CFAP61: variants seen among roughly 807,000 people sequenced by gnomAD.
CFAP61 encodes cilia- and flagella-associated protein 61.
In CFAP61, 107 loss-of-function variants were observed where a neutral mutation model predicts 135.6. The observed-to-expected ratio is 0.79, with a 90% confidence interval of 0.67 to 0.93. The LOEUF (loss-of-function observed/expected upper bound fraction) is 0.93, where lower values mean the gene tolerates loss of function less well. Ranked by LOEUF, CFAP61 falls within the 40% of genes least tolerant of loss-of-function variation. The pLI, the probability that CFAP61 is intolerant of heterozygous loss-of-function variation, is 0.00. For synonymous variants in CFAP61, 575 were observed against 578.5 expected (o/e 0.99, Z 0.09); for missense variants, 1,507 against 1,556.2 (o/e 0.97, Z 0.53).
At chr20:20,109,597 C>G (rs1019503370) in intron 8 of CFAP61, among the ~76,000 whole-genome samples, 1 of 152,180 alleles carries the variant, frequency 6.6e-6, no homozygotes, top group South Asian at 2.1e-4. Context: ...CCCCCTCTAA[C>G]TAGGGTGCTC....
rs188663927 is a variant in CFAP61, at chr20:20,317,717, T to C, written c.3422+19331T>C. Among the ~76,000 whole-genome samples the C allele has an allele frequency of 3.3e-3, 508 of 152,222 alleles. 7 individuals are homozygous for C. Among genetic ancestry groups the C allele is most frequent in the African/African-American group, 0.012 (486 of 41,530 alleles). ...TGGGGCACTGTCTGCCAGGCCAGGA[T>C]ACGTGCTGAAGGCTCTGAGGGCAGA... On this transcript the variant is annotated intron_variant, in intron 25 of 26. Coordinates refer to ENST00000245957, the MANE Select transcript of CFAP61 (RefSeq NM_015585.4).
chr20:20,089,641 C>T (rs2047044790), intron 6 of CFAP61, among the ~76,000 whole-genome samples: 1 of 148,608 alleles, frequency 6.7e-6, no homozygotes, highest in Non-Finnish European at 1.5e-5. Context: ...AAAAAGAGCA[C>T]TAAACTTACC....
intron 21 of CFAP61, among the ~76,000 whole-genome samples, chr20:20,267,057 G>A (rs1165688395): frequency 6.6e-6 from 1 of 152,206 alleles, no homozygotes; most frequent in Non-Finnish European, 1.5e-5. Context: ...TCTATTTAAA[G>A]ACAGGGATCC....
intron 22 of CFAP61, among the ~76,000 whole-genome samples, chr20:20,277,977 C>T (rs2053901335): frequency 6.6e-6 from 1 of 152,164 alleles, no homozygotes; most frequent in Non-Finnish European, 1.5e-5. Context: ...GACCTGGCCT[C>T]TGAAATCAAG....
At chr20:20,292,659 G>A (rs1219078477) in intron 24 of CFAP61, among the ~76,000 whole-genome samples, 2 of 152,188 alleles carry the variant, frequency 1.3e-5, no homozygotes, top group African/African-American at 4.8e-5. Flanking sequence ...GCTGGGCTGG[G>A]ATGACTCAAG....
At chr20:20,305,785 T>A (rs2056435022) in intron 25 of CFAP61, among the ~76,000 whole-genome samples, 1 of 152,232 alleles carries the variant, frequency 6.6e-6, no homozygotes, top group Non-Finnish European at 1.5e-5. Context: ...AGGCTATTTA[T>A]CTGCCCTCAT....
intron 21 of CFAP61, among the ~76,000 whole-genome samples, chr20:20,276,398 C>G (rs767828319): frequency 6.6e-5 from 10 of 152,178 alleles, no homozygotes; most frequent in Non-Finnish European, 1.5e-4. Flanking sequence ...GCATATACTA[C>G]ATTTCATTAA....
intron 6 of CFAP61, among the ~76,000 whole-genome samples, chr20:20,087,595 A>G (rs547782975): frequency 6.6e-6 from 1 of 152,316 alleles, no homozygotes; most frequent in South Asian, 2.1e-4. Context: ...AAGTGAGTGC[A>G]GTGATTCAAG....
intron 25 of CFAP61, among the ~76,000 whole-genome samples, chr20:20,308,271 G>C (rs371460300): frequency 3.9e-4 from 60 of 152,296 alleles, no homozygotes; most frequent in South Asian, 3.5e-3. Flanking sequence ...CTAATTGCCA[G>C]CCCCATTTGG....
chr20:20,335,151 G>A (rs1018549577), intron 25 of CFAP61, among the ~76,000 whole-genome samples: 5 of 152,182 alleles, frequency 3.3e-5, no homozygotes, highest in Non-Finnish European at 7.3e-5. Flanking sequence ...CTGGCTTGGA[G>A]GTAGAAGTCA....
At chr20:20,069,054 T>C (rs2045520565) in intron 2 of CFAP61, among the ~76,000 whole-genome samples, 1 of 152,206 alleles carries the variant, frequency 6.6e-6, no homozygotes, top group Admixed American at 6.5e-5. Flanking sequence ...TTACCTTCTA[T>C]ATATACCGAG....
At chr20:20,336,641 T>A (rs565224105) in intron 25 of CFAP61, among the ~76,000 whole-genome samples, 56 of 150,756 alleles carry the variant, frequency 3.7e-4, no homozygotes, top group Admixed American at 6.6e-4. Flanking sequence ...AAAAAAAAAA[T>A]TTTAAGAAAA....
At chr20:20,076,101 C>T (rs1362443012) in intron 6 of CFAP61, among the ~76,000 whole-genome samples, 1 of 152,130 alleles carries the variant, frequency 6.6e-6, no homozygotes, top group Non-Finnish European at 1.5e-5. Context: ...AGATGGCTGC[C>T]ACACTACTTT....
intron 19 of CFAP61, among the ~76,000 whole-genome samples, chr20:20,248,599 T>C (rs1272616004): frequency 6.6e-6 from 1 of 152,176 alleles, no homozygotes; most frequent in African/African-American, 2.4e-5. Flanking sequence ...AATCCACTAA[T>C]TGGACAATCA....
intron 25 of CFAP61, among the ~76,000 whole-genome samples, chr20:20,313,236 G>T (rs1225374387): frequency 2.0e-5 from 3 of 152,136 alleles, no homozygotes; most frequent in Non-Finnish European, 4.4e-5. Flanking sequence ...CAGGAAGGTG[G>T]CCATCTACAA....
intron 8 of CFAP61, among the ~76,000 whole-genome samples, chr20:20,113,044 A>G (rs1568930557): frequency 6.6e-6 from 1 of 152,068 alleles, no homozygotes; most frequent in Admixed American, 6.6e-5. Context: ...TGTAATTTCT[A>G]CTTTTGTTTT....
chr20:20,227,086 A>C (rs1360650163), intron 17 of CFAP61, among the ~76,000 whole-genome samples: 1 of 152,148 alleles, frequency 6.6e-6, no homozygotes, highest in African/African-American at 2.4e-5. Flanking sequence ...TAGATCTGAG[A>C]TGTTACCTTT....
chr20:20,154,232 C>T (rs2146782975), intron 9 of CFAP61, among the ~76,000 whole-genome samples: 1 of 151,910 alleles, frequency 6.6e-6, no homozygotes, highest in Admixed American at 6.5e-5. Context: ...ATCTATGAGA[C>T]ACCCACAGCT....
At chr20:20,089,738 C>G (rs372368752) in intron 6 of CFAP61, among the ~76,000 whole-genome samples, 24 of 152,262 alleles carry the variant, frequency 1.6e-4, no homozygotes, top group African/African-American at 5.8e-4. Context: ...TGCAATAAAT[C>G]TGGTTTTTGT....
Sources: gnomAD v4.1 joint callset for allele counts (sites outside exome capture counted in the v4.1 genomes callset) on GRCh38, gnomAD v4.1.1 for gene constraint, MANE v1.5 for transcripts, NCBI Gene and HGNC (gene_info 2026-07-23, HGNC 2026-07-21) for gene names.